LMO3: variants seen among roughly 807,000 people sequenced by gnomAD.
LMO3 encodes LIM domain only protein 3.
Under a neutral mutation model 15.8 loss-of-function variants are expected in LMO3, and 2 were observed. The observed-to-expected ratio is 0.13, with a 90% CI of 0.05 to 0.40. The LOEUF (loss-of-function observed/expected upper bound fraction) is 0.40. Ranked by LOEUF, LMO3 falls within the 10% of genes least tolerant of loss-of-function variation. The pLI, the probability that LMO3 is intolerant of heterozygous loss-of-function variation, is 0.99. For synonymous variants in LMO3, 62 were observed against 63.8 expected (o/e 0.97, Z 0.13); for missense variants, 86 against 182.2 (o/e 0.47, Z 3.04).
intron 2 of LMO3, among the ~76,000 whole-genome samples, chr12:16,562,207 A>G (rs1011661401): frequency 6.6e-6 from 1 of 152,108 alleles, no homozygotes; most frequent in African/African-American, 2.4e-5. Flanking sequence ...TCATTCTAAC[A>G]TTTCATATTT....
intron 2 of LMO3, among the ~76,000 whole-genome samples, chr12:16,575,049 T>C (rs1395217790): frequency 6.6e-6 from 1 of 151,946 alleles, no homozygotes; most frequent in African/African-American, 2.4e-5. Flanking sequence ...AGAAAAGGTG[T>C]TTTCGTTTGT....
chr12:16,591,202 C>CA lies in LMO3; in HGVS notation c.206+9452dup, dbSNP rs1943486477. On this transcript the variant is annotated intron_variant, in intron 2 of 3. Coordinates refer to ENST00000537304, the MANE Select transcript of LMO3 (RefSeq NM_018640.5). The surrounding 1 kb of genome is among the most constrained non-coding windows in gnomAD (Gnocchi z 4.1). ...TTGCCCCTCCTGCTCTCCCACACCCCAGCTGCACTAGTATCTGTGATGTCC... is the reference window on the plus strand; with the variant it reads ...TTGCCCCTCCTGCTCTCCCACACCCCAAGCTGCACTAGTATCTGTGATGTCC... Among the ~76,000 whole-genome samples the CA allele has an allele frequency of 6.6e-6, 1 of 152,112 alleles. No homozygotes were observed. Among genetic ancestry groups the CA allele is most frequent in the Non-Finnish European group, 1.5e-5 (1 of 67,938 alleles).
At chr12:16,569,406 C>T (rs376813277) in intron 2 of LMO3, among the ~76,000 whole-genome samples, 1 of 152,132 alleles carries the variant, frequency 6.6e-6, no homozygotes, top group Non-Finnish European at 1.5e-5. Context: ...CATCATGTCT[C>T]TTTCTACACC....
chr12:16,605,574 G>C, intron 1 of LMO3: 1 of 655,494 alleles, frequency 1.5e-6, no homozygotes, highest in Non-Finnish European at 2.5e-6. Flanking sequence ...TCTTTAAGAA[G>C]TGGGGGTTCA....
rs550419632 is a variant in LMO3 at position 16,587,796 on chromosome 12, G to A, written c.206+12859C>T. ...TTTATCTGTCTAAAAATCTCACTGT[G>A]TCCTGAATGGGGGGTTTCAGGGGGA... is the stretch of plus-strand genomic sequence containing the variant. On this transcript the variant is annotated intron_variant, in intron 2 of 3. Coordinates refer to ENST00000537304, the MANE Select transcript of LMO3 (RefSeq NM_018640.5). This position sits in a 1 kb window ranked among gnomAD's most constrained non-coding sequence, Gnocchi z 4.3. Among the ~76,000 whole-genome samples the A allele has an allele frequency of 2.0e-5, 3 of 151,820 alleles. No individual in the cohort carries two copies. The highest frequency in any genetic ancestry group is 7.2e-5 in the African/African-American group (3 of 41,382).
chr12:16,605,768 T>C (rs1943974480), intron 1 of LMO3: 3 of 1,535,394 alleles, frequency 2.0e-6, no homozygotes, highest in East Asian at 2.4e-5. Context: ...CGAGTCGTAC[T>C]TGAGACGTTC....
At chr12:16,556,515 G>A (rs1334419237) in intron 3 of LMO3, among the ~76,000 whole-genome samples, 1 of 152,156 alleles carries the variant, frequency 6.6e-6, no homozygotes, top group Non-Finnish European at 1.5e-5. Context: ...TGATTTAAAG[G>A]TAAAGATGAA....
intron 2 of LMO3, among the ~76,000 whole-genome samples, chr12:16,571,320 A>G (rs1445676976): frequency 6.6e-6 from 1 of 152,122 alleles, no homozygotes; most frequent in Non-Finnish European, 1.5e-5. Flanking sequence ...AGCACCTAAG[A>G]TTCATGAAGC....
intron 2 of LMO3, among the ~76,000 whole-genome samples, chr12:16,563,035 A>G (rs1180379464): frequency 6.6e-6 from 1 of 152,120 alleles, no homozygotes; most frequent in Admixed American, 6.6e-5. Flanking sequence ...TTCAGATAAA[A>G]TTTTCTTCTT....
rs55950422 is a variant in LMO3 at position 16,591,546 on chromosome 12, T to TC, written c.206+9108_206+9109insG. 6.6e-6 allele frequency among the ~76,000 whole-genome samples: 1 copy of TC among 152,052 alleles called. No homozygotes were observed. The highest frequency in any genetic ancestry group is 1.5e-5 in the Non-Finnish European group (1 of 67,994). On this transcript the variant is annotated intron_variant, in intron 2 of 3. Coordinates refer to ENST00000537304, the MANE Select transcript of LMO3 (RefSeq NM_018640.5). The surrounding 1 kb of genome is among the most constrained non-coding windows in gnomAD (Gnocchi z 4.1). Reference sequence around the variant, plus strand: ...GGTATTTTTGTGTTTTATTTAGTGCTTATGTCAAGGCCTTTTACAGTACCT... The same window carrying TC: ...GGTATTTTTGTGTTTTATTTAGTGCTCTATGTCAAGGCCTTTTACAGTACCT...
intron 1 of LMO3, chr12:16,605,500 GT>G: frequency 2.4e-6 from 1 of 412,330 alleles, no homozygotes; most frequent in Non-Finnish European, 3.3e-6. Context: ...ACAACATTTT[GT>G]TATTATGGCT....
chr12:16,588,622 C>A (rs1358785712), intron 2 of LMO3, among the ~76,000 whole-genome samples: 2 of 152,066 alleles, frequency 1.3e-5, no homozygotes, highest in African/African-American at 4.8e-5. Context: ...ATATAAAGCA[C>A]ACTACAATCT....
At chr12:16,567,068 C>T (rs986636038) in intron 2 of LMO3, among the ~76,000 whole-genome samples, 5 of 152,052 alleles carry the variant, frequency 3.3e-5, no homozygotes, top group Non-Finnish European at 5.9e-5. Context: ...TGTTGGCAGG[C>T]GCCTGTATTT....
chr12:16,585,644 T>G lies in LMO3; in HGVS notation c.206+15011A>C, dbSNP rs1943294883. 6.6e-6 allele frequency among the ~76,000 whole-genome samples: 1 copy of G among 152,134 alleles called. No individual in the cohort carries two copies. The highest frequency in any genetic ancestry group is 2.1e-4 in the South Asian group (1 of 4,834). Reference sequence around the variant, plus strand: ...TTTCTTTCCGTTGAAGTCCACCCATTCCAATTATTTAAGTGATTTCATTTG... The same window carrying G: ...TTTCTTTCCGTTGAAGTCCACCCATGCCAATTATTTAAGTGATTTCATTTG... On this transcript the variant is annotated intron_variant, in intron 2 of 3. Coordinates refer to ENST00000537304, the MANE Select transcript of LMO3 (RefSeq NM_018640.5). The surrounding 1 kb of genome is among the most constrained non-coding windows in gnomAD (Gnocchi z 4.7).
At position 16,560,598 on chromosome 12, in the gene LMO3, A is replaced by G. The variant is rs1032830733; in HGVS notation, c.207-60T>C. 45 of 1,475,062 alleles carry G rather than the reference A, an allele frequency of 3.1e-5. 1 individual carries two copies. Among genetic ancestry groups the G allele is most frequent in the Non-Finnish European group, 3.8e-5 (41 of 1,067,058 alleles). The allele number at this position is 1,475,062 out of a possible 1,614,324, so 91.4% of individuals were successfully genotyped here. On this transcript the variant is annotated intron_variant, in intron 2 of 3. Transcript: ENST00000537304. This position sits in a 1 kb window ranked among gnomAD's most constrained non-coding sequence, Gnocchi z 5.0. ...TCTTACAGAGAAATCTGAGATCGTG[A>G]AGAGAGATGATGTTAATATACTCTG...
chr12:16,600,645 T>A lies in LMO3; in HGVS notation c.206+10A>T. ...TCCAGTCATCACTGGTGTGCAAGGA[T>A]AATTCCTACCTCAGATAGTCTCTGC... On this transcript the variant is annotated intron_variant, in intron 2 of 3. Transcript: ENST00000537304. The A allele has an allele frequency of 6.2e-7, 1 of 1,612,168 alleles. No individual in the cohort carries two copies. Among genetic ancestry groups the A allele is most frequent in the Non-Finnish European group, 8.5e-7 (1 of 1,178,230 alleles).
Position 16,594,342 on chromosome 12 carries a change from A to C in LMO3, c.206+6313T>G, listed in dbSNP as rs1943582819. On this transcript the variant is annotated intron_variant, in intron 2 of 3. Transcript: ENST00000537304. ...TTTTATAAGCCAATTAAACTAAAAA[A>C]TAAAAAAGAAAGAAAAAGGCCATTT... 3 of 1,364,686 alleles carry C rather than the reference A, an allele frequency of 2.2e-6. No individual in the cohort carries two copies. In the South Asian group the frequency reaches 5.1e-5, roughly 23 times the overall value. The allele number at this position is 1,364,686 out of a possible 1,614,324, so 84.5% of individuals were successfully genotyped here. A position where few individuals can be genotyped will look rare whatever the true frequency, so the allele number is the denominator to read the frequency against.
chr12:16,600,616 G>A (rs771875185), intron 2 of LMO3, 39 bp downstream of exon 2: 2 of 1,533,092 alleles, frequency 1.3e-6, no homozygotes, highest in African/African-American at 2.7e-5. Context: ...TACTTTAAAA[G>A]GCATCCAGTC....
Position 16,600,641 on chromosome 12 carries a change from A to G in LMO3, c.206+14T>C, listed in dbSNP as rs1943796204. The stretch of plus-strand genomic sequence containing the variant: ...GGCATCCAGTCATCACTGGTGTGCA[A>G]GGATAATTCCTACCTCAGATAGTCT... On this transcript the variant is annotated intron_variant, in intron 2 of 3. Transcript: ENST00000537304. The G allele has an allele frequency of 6.2e-7, 1 of 1,609,870 alleles. No homozygotes were observed. The highest frequency in any genetic ancestry group is 8.5e-7 in the Non-Finnish European group (1 of 1,176,208).
Sources: allele counts gnomAD v4.1 joint callset (sites outside exome capture counted in the v4.1 genomes callset), GRCh38; gene constraint gnomAD v4.1.1; non-coding constraint Gnocchi (gnomAD v3.1); transcripts MANE v1.5; gene names NCBI Gene and HGNC (gene_info 2026-07-23, HGNC 2026-07-21).